TUBE1: variants seen among roughly 807,000 people sequenced by gnomAD.
The protein encoded by TUBE1 is tubulin epsilon chain.
Under a neutral mutation model 53.5 loss-of-function variants are expected in TUBE1, and 34 were observed. That is an observed-to-expected ratio of 0.64 (90% confidence interval 0.48 to 0.85). TUBE1 has a LOEUF of 0.85. Among genes scored for constraint, TUBE1 ranks in the 40% least tolerant of loss-of-function variants. The probability of loss-of-function intolerance (pLI) is 0.00; values close to 1 mark genes in which losing one functional copy is unlikely to be tolerated. For missense variants in TUBE1, 532 were observed against 570.5 expected (o/e 0.93, Z 0.69); for synonymous variants, 177 against 198.4 (o/e 0.89, Z 0.91).
chr6:112,081,476 A>G (rs587743016), intron 4 of TUBE1, among the ~76,000 whole-genome samples: 1 of 152,194 alleles, frequency 6.6e-6, no homozygotes, highest in East Asian at 1.9e-4. Context: ...AATCCCCTCA[A>G]CTGTATTTCT....
Position 112,079,363 on chromosome 6 carries a change from A to C in TUBE1, c.448+270T>G, listed in dbSNP as rs184607434. On this transcript the variant is annotated intron_variant, in intron 6 of 11. Coordinates refer to ENST00000368662, the MANE Select transcript of TUBE1 (RefSeq NM_016262.5). ...CTGAATGTTCTGTAAAAGAAACTAA[A>C]GGTACAAGAAAAAAAATTTTCCAGT... The C allele has an allele frequency of 2.6e-4, 68 of 266,544 alleles. No homozygotes were observed. In the East Asian group the frequency reaches 4.7e-3, roughly 18 times the overall value. 16.5% of individuals were successfully genotyped at this position (266,544 alleles called of 1,614,324 possible). A position where few individuals can be genotyped will look rare whatever the true frequency, so the allele number is the denominator to read the frequency against.
In TUBE1 at chr6:112,072,867, T is replaced by C. The variant is rs1554315571; in HGVS notation, c.985A>G (p.Lys329Glu). ...TCTGCCCGAAGCAGCTGGTGATCTT[T>C]ACTAAAGGCATCTGAAAACATCTGA... ...LDQMFSDAFS[K>E]DHQLLRADPK... The change falls in exon 10 of 12, where the codon AAA becomes GAA. Residue 329 changes from lysine (K) to glutamate (E), a missense_variant. Physicochemically the swap from Lys to Glu is moderately conservative, Grantham distance 56 (BLOSUM62 1). Coordinates refer to ENST00000368662, the MANE Select transcript of TUBE1 (RefSeq NM_016262.5). The C allele has an allele frequency of 1.2e-6, 2 of 1,613,434 alleles. No individual in the cohort carries two copies. Among genetic ancestry groups the C allele is most frequent in the South Asian group, 1.1e-5 (1 of 91,056 alleles).
At chr6:112,085,875 T>C (rs1022408470) in intron 3 of TUBE1, 7 of 325,120 alleles carry the variant, frequency 2.2e-5, no homozygotes, top group Admixed American at 1.6e-4. Context: ...GTGCCCTAGA[T>C]AGACTCTGGA....
chr6:112,072,902 C>T lies in TUBE1; in HGVS notation c.954-4G>A. ...ATCTGAAAACATCTGATCCAATCTG[C>T]AACAATGAAATTGTCATTGTTTATA... On this transcript the variant is annotated splice_polypyrimidine_tract_variant and splice_region_variant and intron_variant, in intron 9 of 11. Coordinates refer to ENST00000368662, the MANE Select transcript of TUBE1 (RefSeq NM_016262.5). 6.2e-7 allele frequency: 1 copy of T among 1,611,800 alleles called. No homozygotes were observed. Among genetic ancestry groups the T allele is most frequent in the Non-Finnish European group, 8.5e-7 (1 of 1,178,930 alleles).
rs782064296 is a variant in TUBE1 at position 112,087,226 on chromosome 6, C to A, written c.99+7G>T. On this transcript the variant is annotated splice_region_variant and intron_variant, in intron 2 of 11. Transcript: ENST00000368662. ...AGGCGAGGGGGCTCGCGGCGGCGGG[C>A]GGGTACCTGGTTGACCGCGGCGTGC... 1.5e-5 allele frequency: 23 copies of A among 1,549,364 alleles called. No individual in the cohort carries two copies. The highest frequency in any genetic ancestry group is 1.9e-5 in the Non-Finnish European group (22 of 1,146,306).
chr6:112,074,979 C>G (rs886585066), intron 8 of TUBE1, 129 bp from the exon 9 acceptor site: 3 of 456,806 alleles, frequency 6.6e-6, no homozygotes, highest in Middle Eastern at 1.2e-3. Flanking sequence ...AGAACACATG[C>G]TTTTCTTCCA....
In TUBE1 at chr6:112,071,465, C is replaced by T. The variant is rs186882169; in HGVS notation, c.1375G>A (p.Ala459Thr). ...ALIQEYDQLD[A>T]TKNMPVQDLP... is the part of the protein sequence containing the mutation. ...TCCTGCACAGGCATGTTTTTTGTGGCGTCCAGTTGGTCATATTCCTGTATG... is the reference window on the plus strand; with the variant it reads ...TCCTGCACAGGCATGTTTTTTGTGGTGTCCAGTTGGTCATATTCCTGTATG... The change falls in exon 12 of 12, where the codon GCC becomes ACC. Residue 459 changes from alanine to threonine, a missense_variant. By Grantham distance (58) the Ala-to-Thr change is moderately conservative (BLOSUM62 0). Coordinates refer to ENST00000368662, the MANE Select transcript of TUBE1 (RefSeq NM_016262.5). 2.2e-5 allele frequency: 35 copies of T among 1,609,478 alleles called. No individual in the cohort carries two copies. The highest frequency in any genetic ancestry group is 1.5e-4 in the Admixed American group (9 of 59,976).
chr6:112,076,257 C>T (rs1280174720), intron 7 of TUBE1, 65 bp downstream of exon 7: 21 of 1,474,518 alleles, frequency 1.4e-5, no homozygotes, highest in Admixed American at 2.2e-5. Context: ...CATATAAACA[C>T]ACATACATAA....
At chr6:112,072,512 T>G (rs1452074224) in intron 10 of TUBE1, among the ~76,000 whole-genome samples, 1 of 152,182 alleles carries the variant, frequency 6.6e-6, no homozygotes, top group Non-Finnish European at 1.5e-5. Flanking sequence ...GCTACGATTT[T>G]CTGAACACTT....
At position 112,074,765 on chromosome 6, in the gene TUBE1, C is replaced by T. The variant is rs184542791; in HGVS notation, c.898G>A (p.Val300Met). The change falls in exon 9 of 12, where the codon GTG becomes ATG. Residue 300 changes from valine to methionine, a missense_variant. Coordinates refer to ENST00000368662, the MANE Select transcript of TUBE1 (RefSeq NM_016262.5). ...GTATACAGAGGTGTTAGGCTTGACA[C>T]GAGATAATGAAGTTGAGGAAAAGGA... ...LVPFPQLHYLVSSLTPLYTLT... is the reference protein window; with the variant it reads ...LVPFPQLHYLMSSLTPLYTLT... 3.0e-5 allele frequency: 48 copies of T among 1,607,620 alleles called. No individual in the cohort carries two copies. The highest frequency in any genetic ancestry group is 2.4e-4 in the Admixed American group (14 of 59,190).
rs1554317078 is a variant in TUBE1, at chr6:112,084,202, G to A, written c.197C>T (p.Ser66Phe). The part of the protein sequence containing the change: ...GGSISKGKIC[S>F]LKARAVLIDM... ...TATGTATCTTACTCGTGCTTTTAAAGAACATATTTTTCCCTTGGAAATACT... is the reference window on the plus strand; with the variant it reads ...TATGTATCTTACTCGTGCTTTTAAAAAACATATTTTTCCCTTGGAAATACT... Residue 66 changes from serine (S) to phenylalanine (F), a missense_variant, in exon 4 of 12, where the codon TCT becomes TTT. By Grantham distance (155) the Ser-to-Phe change is radical. Transcript: ENST00000368662. 1 of 1,611,654 alleles carries A rather than the reference G, an allele frequency of 6.2e-7. No individual in the cohort carries two copies. Among genetic ancestry groups the A allele is most frequent in the Non-Finnish European group, 8.5e-7 (1 of 1,178,072 alleles).
intron 6 of TUBE1, chr6:112,076,730 T>C: frequency 2.8e-6 from 1 of 354,800 alleles, no homozygotes. Context: ...CCACCACGCC[T>C]GGCTAACTTT....
rs782206437 is a variant in TUBE1 at position 112,081,091 on chromosome 6, C to T, written c.326+1G>A. On this transcript the variant is annotated splice_donor_variant, in intron 5 of 11. Coordinates refer to ENST00000368662, the MANE Select transcript of TUBE1 (RefSeq NM_016262.5). LOFTEE classifies it high-confidence loss of function. Reference sequence around the variant, plus strand: ...TCAATTTTTACGCTGTGTATTCTCACCAATTATTTCCTGAGCCAGAAATAT... The same window carrying T: ...TCAATTTTTACGCTGTGTATTCTCATCAATTATTTCCTGAGCCAGAAATAT... The T allele has an allele frequency of 2.6e-6, 4 of 1,561,058 alleles. No homozygotes were observed. The highest frequency in any genetic ancestry group is 4.5e-5 in the East Asian group (2 of 44,290).
chr6:112,076,311 T>C lies in TUBE1; in HGVS notation c.636+11A>G, dbSNP rs1644648813. 1.9e-6 allele frequency: 3 copies of C among 1,553,970 alleles called. No individual in the cohort carries two copies. The highest frequency in any genetic ancestry group is 2.3e-5 in the East Asian group (1 of 44,168). ...TAACATTTATTCATAAGTTCCAATG[T>C]CATTTCTTACTTGATTGTCAATGGG... On this transcript the variant is annotated intron_variant, in intron 7 of 11. Coordinates refer to ENST00000368662, the MANE Select transcript of TUBE1 (RefSeq NM_016262.5).
intron 3 of TUBE1, among the ~76,000 whole-genome samples, chr6:112,084,681 T>C (rs1172604267): frequency 6.6e-6 from 1 of 152,210 alleles, no homozygotes; most frequent in Non-Finnish European, 1.5e-5. Flanking sequence ...ACATATATAG[T>C]ATTAGATCTT....
chr6:112,072,910 A>C lies in TUBE1; in HGVS notation c.954-12T>G. The C allele has an allele frequency of 6.2e-7, 1 of 1,611,528 alleles. No homozygotes were observed. The highest frequency in any genetic ancestry group is 8.5e-7 in the Non-Finnish European group (1 of 1,178,764). ...ACATCTGATCCAATCTGCAACAATG[A>C]AATTGTCATTGTTTATACAAAATAT... On this transcript the variant is annotated splice_polypyrimidine_tract_variant and intron_variant, in intron 9 of 11. Coordinates refer to ENST00000368662, the MANE Select transcript of TUBE1 (RefSeq NM_016262.5).
Position 112,087,221 on chromosome 6 carries a change from G to A in TUBE1, c.99+12C>T. 1 of 1,549,756 alleles carries A rather than the reference G, an allele frequency of 6.5e-7. No individual in the cohort carries two copies. ...CTGACAGGCGAGGGGGCTCGCGGCG[G>A]CGGGCGGGTACCTGGTTGACCGCGG... On this transcript the variant is annotated intron_variant, in intron 2 of 11. Transcript: ENST00000368662.
chr6:112,081,375 T>G (rs1777068390), intron 4 of TUBE1, among the ~76,000 whole-genome samples, 168 bp from the exon 5 acceptor site: 1 of 152,112 alleles, frequency 6.6e-6, no homozygotes, highest in Non-Finnish European at 1.5e-5. Flanking sequence ...AATTTCACTC[T>G]GTTTGAAAGG....
At chr6:112,087,362 C>T (rs587689817) in intron 1 of TUBE1, 48 bp downstream of exon 1, 12 of 1,551,066 alleles carry the variant, frequency 7.7e-6, no homozygotes, top group Non-Finnish European at 1.0e-5. Flanking sequence ...GAAACATGGC[C>T]GCTGGATTCC....
Sources: gnomAD v4.1 joint callset for allele counts (sites outside exome capture counted in the v4.1 genomes callset) on GRCh38, gnomAD v4.1.1 for gene constraint, MANE v1.5 for transcripts, NCBI Gene and HGNC (gene_info 2026-07-23, HGNC 2026-07-21) for gene names.